The following EPG5 variants were observed in gnomAD, a reference collection of about 807,000 sequenced individuals.
The protein encoded by EPG5 is ectopic P granules protein 5 homolog.
A neutral mutation model predicts 302.7 loss-of-function variants in EPG5; 159 were observed. The observed-to-expected ratio is 0.53, with a 90% CI of 0.46 to 0.60. The LOEUF is 0.60. Among genes scored for constraint, EPG5 ranks in the 20% least tolerant of loss-of-function variants. The probability of loss-of-function intolerance (pLI) is 0.00; values close to 1 mark genes in which losing one functional copy is unlikely to be tolerated. For synonymous variants in EPG5, 1,158 were observed against 1,136.8 expected (o/e 1.02, Z -0.37); for missense variants, 2,896 against 3,092.4 (o/e 0.94, Z 1.51).
chr18:45,867,451 T>A (rs1358432921), intron 37 of EPG5, 112 bp downstream of exon 37: 3 of 817,006 alleles, frequency 3.7e-6, no homozygotes, highest in African/African-American at 3.4e-5. Flanking sequence ...ATGCCAAGCA[T>A]CTGTTCACAC....
At chr18:45,870,075 G>A (rs1197008081) in intron 36 of EPG5, among the ~76,000 whole-genome samples, 2 of 151,982 alleles carry the variant, frequency 1.3e-5, no homozygotes, top group African/African-American at 4.8e-5. Context: ...GTCATTTCAG[G>A]TCTGCACACG....
chr18:45,910,069 T>C (rs1467503680), intron 23 of EPG5, among the ~76,000 whole-genome samples: 1 of 152,122 alleles, frequency 6.6e-6, no homozygotes, highest in African/African-American at 2.4e-5. Flanking sequence ...CATTGCAGCC[T>C]TGACCTCCTG....
rs368290511 is a variant in EPG5 at position 45,919,599 on chromosome 18, G to A, written c.3099-1780C>T. ...GCAATCTCGGCTCACTGCAAGCTCC[G>A]CCTCCCAGGTTCACGCCATTCTCCT... On this transcript the variant is annotated intron_variant, in intron 16 of 43. Coordinates refer to ENST00000282041, the MANE Select transcript of EPG5 (RefSeq NM_020964.3). Among the ~76,000 whole-genome samples, 16 of 148,888 alleles carry A rather than the reference G, an allele frequency of 1.1e-4. 1 individual carries two copies. The South Asian group carries it at 3.2e-3, about 30-fold the overall frequency.
At chr18:45,866,079 G>A (rs572032572) in intron 38 of EPG5, among the ~76,000 whole-genome samples, 5 of 150,672 alleles carry the variant, frequency 3.3e-5, no homozygotes, top group Admixed American at 1.3e-4. Context: ...GTTCATTATC[G>A]AATTCAATCC....
At chr18:45,832,538 G>T in the EPG5 span, among the ~76,000 whole-genome samples, 1 of 152,192 alleles carries the variant, frequency 6.6e-6, no homozygotes, top group African/African-American at 2.4e-5. Context: ...GCCAGAGGTG[G>T]AATTGCCACC....
Position 45,954,694 on chromosome 18 carries a change from C to T in EPG5, c.708G>A (p.Leu236=), listed in dbSNP as rs182077104. ...EAPALVAVKP[L]LRSERLYPEL... is the part of the protein sequence containing the mutation. ...CTGGGTAGAGTCGCTCACTGCGAAG[C>T]AAGGGTTTCACTGCCACCAAAGCTG... Residue 236 remains leucine (L), a synonymous_variant, in exon 2 of 44, where the codon TTG becomes TTA. Coordinates refer to ENST00000282041, the MANE Select transcript of EPG5 (RefSeq NM_020964.3). 225 of 1,614,208 alleles carry T rather than the reference C, an allele frequency of 1.4e-4. No homozygotes were observed. Among genetic ancestry groups the T allele is most frequent in the Middle Eastern group, 6.6e-4 (4 of 6,062 alleles).
intron 35 of EPG5, among the ~76,000 whole-genome samples, chr18:45,873,649 C>G (rs1322533488): frequency 1.3e-5 from 2 of 151,968 alleles, no homozygotes; most frequent in Non-Finnish European, 2.9e-5. Flanking sequence ...TAATTGAGTA[C>G]TACTAGGATT....
chr18:45,824,602 C>G, the EPG5 span, among the ~76,000 whole-genome samples: 1 of 152,052 alleles, frequency 6.6e-6, no homozygotes, highest in Non-Finnish European at 1.5e-5. Context: ...AGAGAGTGAC[C>G]AAGAAGTTGA....
chr18:45,874,767 C>T (rs543700039), intron 35 of EPG5, among the ~76,000 whole-genome samples: 3 of 152,276 alleles, frequency 2.0e-5, no homozygotes, highest in Admixed American at 2.0e-4. Context: ...AACCATATCA[C>T]TCTATAACTA....
chr18:45,905,764 C>T (rs2049735536), intron 24 of EPG5, among the ~76,000 whole-genome samples: 1 of 152,174 alleles, frequency 6.6e-6, no homozygotes, highest in Non-Finnish European at 1.5e-5. Context: ...GCAATTAATT[C>T]TGTTGATGCT....
At chr18:45,808,651 T>C in the EPG5 span, among the ~76,000 whole-genome samples, 6 of 152,076 alleles carry the variant, frequency 3.9e-5, no homozygotes, top group African/African-American at 2.4e-5. Flanking sequence ...AAAGAAAAGA[T>C]AGTCTTTTTC....
At chr18:45,803,599 G>A in the EPG5 span, among the ~76,000 whole-genome samples, 2 of 152,114 alleles carry the variant, frequency 1.3e-5, no homozygotes, top group Non-Finnish European at 2.9e-5. Flanking sequence ...GAAAGTGAGG[G>A]AGAATCCTCA....
chr18:45,885,317 C>T (rs1013243668), intron 29 of EPG5, among the ~76,000 whole-genome samples: 2 of 151,522 alleles, frequency 1.3e-5, no homozygotes, highest in African/African-American at 4.9e-5. Context: ...CCAGCCTGGG[C>T]GACAGAGCAA....
chr18:45,840,209 A>T, the EPG5 span: 2 of 1,613,256 alleles, frequency 1.2e-6, no homozygotes, highest in Middle Eastern at 1.7e-4. Context: ...TCCCTCCCAC[A>T]GAGCATCTGG....
chr18:45,920,522 C>T (rs1046455950), intron 16 of EPG5, among the ~76,000 whole-genome samples: 2 of 152,220 alleles, frequency 1.3e-5, no homozygotes, highest in African/African-American at 4.8e-5. Flanking sequence ...GGCTGGAAGA[C>T]TGGGCATCTG....
At chr18:45,898,853 G>A (rs1488191332) in intron 27 of EPG5, among the ~76,000 whole-genome samples, 10 of 152,294 alleles carry the variant, frequency 6.6e-5, no homozygotes, top group East Asian at 3.9e-4. Flanking sequence ...GAGACCGGAC[G>A]CGGTGGCTCA....
chr18:45,954,285 C>G, intron 2 of EPG5, 109 bp downstream of exon 2: 1 of 1,024,286 alleles, frequency 9.8e-7, no homozygotes, highest in South Asian at 1.6e-5. Flanking sequence ...CTCTATTACT[C>G]TAGGCTGAGG....
chr18:45,911,454 T>TTTTTTGTA (rs1192026666), intron 22 of EPG5, among the ~76,000 whole-genome samples: 2 of 150,824 alleles, frequency 1.3e-5, no homozygotes, highest in African/African-American at 4.9e-5. Flanking sequence ...CCTGGCTAAT[T>TTTTTTGTA]TTTTTGTATT....
downstream of EPG5, among the ~76,000 whole-genome samples, chr18:45,845,360 C>T (rs147390042): frequency 3.3e-5 from 5 of 152,296 alleles, no homozygotes; most frequent in East Asian, 1.9e-4. Context: ...CCTTTAACAA[C>T]GGCACACAGT....
Sources: allele counts gnomAD v4.1 joint callset (sites outside exome capture counted in the v4.1 genomes callset), GRCh38; gene constraint gnomAD v4.1.1; transcripts MANE v1.5; gene names NCBI Gene and HGNC (gene_info 2026-07-23, HGNC 2026-07-21).